The following SV2B variants were observed in gnomAD, a reference collection of about 807,000 sequenced individuals.
The protein encoded by SV2B is solute carrier family 22 member B2.
A neutral mutation model predicts 73.9 loss-of-function variants in SV2B; 41 were observed. The observed-to-expected ratio is 0.56, with a 90% confidence interval of 0.43 to 0.72. The LOEUF is 0.72. Among genes scored for constraint, SV2B ranks in the 30% least tolerant of loss-of-function variants. The pLI, the probability that SV2B is intolerant of heterozygous loss-of-function variation, is 0.00. For missense variants in SV2B, 764 were observed against 857.8 expected (o/e 0.89, Z 1.37); for synonymous variants, 314 against 314.2 (o/e 1.00, Z 0.01).
rs1244859225 is a variant in SV2B, at chr15:91,288,864, G to T, written c.1709-657G>T. 6.6e-6 allele frequency among the ~76,000 whole-genome samples: 1 copy of T among 152,090 alleles called. No homozygotes were observed. The highest frequency in any genetic ancestry group is 1.5e-5 in the Non-Finnish European group (1 of 68,030). On this transcript the variant is annotated intron_variant, in intron 11 of 12. Transcript: ENST00000394232. The surrounding 1 kb of genome is among the most constrained non-coding windows in gnomAD (Gnocchi z 5.8). ...GGCTACTTTTTGTCTTTTTCGTAGA[G>T]ACAGTGTTTTATCATGTTGGTCAGG...
At position 91,281,746 on chromosome 15, in the gene SV2B, T is replaced by G. The variant is rs1401931086; in HGVS notation, c.1392T>G (p.Phe464Leu). Residue 464 changes from phenylalanine to leucine, a missense_variant, in exon 10 of 13, where the codon TTT (phenylalanine) becomes TTG (leucine). By Grantham distance (22) the Phe-to-Leu change is conservative. Transcript: ENST00000394232. This position sits in a 1 kb window ranked among gnomAD's most constrained non-coding sequence, Gnocchi z 4.7. Reference protein sequence around the residue: ...LVNDKFTRMYFKHVLFEDTFF... With the variant: ...LVNDKFTRMYLKHVLFEDTFF... ...CCCACAGGTTCACAAGAATGTACTT[T>G]AAACATGTACTCTTTGAGGACACAT... The G allele has an allele frequency of 2.4e-5, 38 of 1,609,038 alleles. No individual in the cohort carries two copies. The highest frequency in any genetic ancestry group is 3.2e-5 in the Non-Finnish European group (38 of 1,176,688).
At chr15:91,099,709 C>T (rs183727601), upstream of SV2B, among the ~76,000 whole-genome samples, 22 of 152,310 alleles carry the variant, frequency 1.4e-4, no homozygotes, top group Admixed American at 1.4e-3. Context: ...TCTTCAGTTC[C>T]TGATGAGGCA....
chr15:91,282,001 G>C (rs1158675319), intron 10 of SV2B, 140 bp downstream of exon 10: 15 of 1,067,280 alleles, frequency 1.4e-5, no homozygotes, highest in African/African-American at 3.3e-5. Context: ...TGGGGAAATG[G>C]ATTTTAGCCC....
intron 1 of SV2B, among the ~76,000 whole-genome samples, chr15:91,145,848 A>G (rs1021294667): frequency 6.6e-6 from 1 of 151,928 alleles, no homozygotes. Context: ...TTTTTTTCTT[A>G]TAAATTTAAG....
chr15:91,139,698 G>T lies in SV2B; in HGVS notation c.-392+39335G>T, dbSNP rs116375202. On this transcript the variant is annotated intron_variant, in intron 1 of 12. Coordinates refer to ENST00000394232, the MANE Select transcript of SV2B (RefSeq NM_001323032.3). The surrounding 1 kb of genome is among the most constrained non-coding windows in gnomAD (Gnocchi z 5.2). ...CCATTTAGGTATGTGGGATTCCTAC[G>T]GATTAGGGTTAAGCAAATAGGAGCA... Among the ~76,000 whole-genome samples, 881 of 152,274 alleles carry T rather than the reference G, an allele frequency of 5.8e-3. 15 individuals are homozygous for T. The highest frequency in any genetic ancestry group is 0.02 in the African/African-American group (847 of 41,558).
chr15:91,133,005 T>A (rs1290890009), intron 1 of SV2B, among the ~76,000 whole-genome samples: 1 of 152,220 alleles, frequency 6.6e-6, no homozygotes, highest in Non-Finnish European at 1.5e-5. Flanking sequence ...GAGAAGTATG[T>A]TACCTCTGTT....
Position 91,129,363 on chromosome 15 carries a change from C to T in SV2B, c.-392+29000C>T, listed in dbSNP as rs960852395. On this transcript the variant is annotated intron_variant, in intron 1 of 12. Transcript: ENST00000394232. This position sits in a 1 kb window ranked among gnomAD's most constrained non-coding sequence, Gnocchi z 5.1. ...AAAGGAAGGCTGTGGCAAAGGTATA[C>T]GTAAAATGCAGGGTTGTGATGAAGG... Among the ~76,000 whole-genome samples, 6 of 152,044 alleles carry T rather than the reference C, an allele frequency of 3.9e-5. No individual in the cohort carries two copies. Among genetic ancestry groups the T allele is most frequent in the Non-Finnish European group, 5.9e-5 (4 of 68,006 alleles).
chr15:91,255,510 G>A (rs968731802), intron 4 of SV2B, among the ~76,000 whole-genome samples: 6 of 152,178 alleles, frequency 3.9e-5, no homozygotes, highest in African/African-American at 1.4e-4. Context: ...ACTACAAATT[G>A]TGTGCAGTGC....
chr15:91,147,965 CTTTTTTTTTTTTTTTTTT>C (rs60896008), intron 1 of SV2B, among the ~76,000 whole-genome samples: 32 of 39,262 alleles, frequency 8.2e-4, no homozygotes, highest in African/African-American at 2.6e-3. Context: ...CCCCCCCCAA[CTTTTTTTTTTTTTTTTTT>C]TTTTTTTTTT....
chr15:91,262,413 A>G (rs1488653488), intron 6 of SV2B, among the ~76,000 whole-genome samples: 1 of 152,190 alleles, frequency 6.6e-6, no homozygotes, highest in East Asian at 1.9e-4. Context: ...TCTCAATTCT[A>G]ATGCTTCTAA....
At position 91,258,813 on chromosome 15, in the gene SV2B, G is replaced by A. The variant is rs1387417674; in HGVS notation, c.918+259G>A. ...AGAGCAGGAGCTCTTTCCCAAGGCT[G>A]TGCAGTGGTGGAAGGGCAGCTCCTG... On this transcript the variant is annotated intron_variant, in intron 5 of 12. Transcript: ENST00000394232. The surrounding 1 kb of genome is among the most constrained non-coding windows in gnomAD (Gnocchi z 4.7). Among the ~76,000 whole-genome samples, 2 of 152,028 alleles carry A rather than the reference G, an allele frequency of 1.3e-5. No individual in the cohort carries two copies. The highest frequency in any genetic ancestry group is 2.1e-4 in the South Asian group (1 of 4,814).
In SV2B at chr15:91,241,534, T is replaced by A. The variant is rs1248518179; in HGVS notation, c.452-10285T>A. Reference sequence around the variant, plus strand: ...TTGTGTCTTATCCACTATTTTCCAATTTCCAGCATCTCTTCCTCATCTTCA... The same window carrying A: ...TTGTGTCTTATCCACTATTTTCCAAATTCCAGCATCTCTTCCTCATCTTCA... On this transcript the variant is annotated intron_variant, in intron 2 of 12. Coordinates refer to ENST00000394232, the MANE Select transcript of SV2B (RefSeq NM_001323032.3). This position sits in a 1 kb window ranked among gnomAD's most constrained non-coding sequence, Gnocchi z 4.8. 6.6e-6 allele frequency among the ~76,000 whole-genome samples: 1 copy of A among 152,180 alleles called. No individual in the cohort carries two copies. The highest frequency in any genetic ancestry group is 6.5e-5 in the Admixed American group (1 of 15,282).
rs2046789575 is a variant in SV2B, at chr15:91,236,548, T to C, written c.451+9834T>C. ...GGAAATATATAAAACTCATTCCCTG[T>C]ACAAGTATATGTAAGCTTTTGACCT... On this transcript the variant is annotated intron_variant, in intron 2 of 12. Transcript: ENST00000394232. This position sits in a 1 kb window ranked among gnomAD's most constrained non-coding sequence, Gnocchi z 4.1. 6.6e-6 allele frequency among the ~76,000 whole-genome samples: 1 copy of C among 152,202 alleles called. No homozygotes were observed. Among genetic ancestry groups the C allele is most frequent in the African/African-American group, 2.4e-5 (1 of 41,458 alleles).
At chr15:91,212,971 TC>T (rs1346479916) in intron 1 of SV2B, among the ~76,000 whole-genome samples, 4 of 141,692 alleles carry the variant, frequency 2.8e-5, no homozygotes, top group Non-Finnish European at 6.0e-5. Context: ...TGAAACCCTG[TC>T]TCTACTAAAA....
Position 91,214,854 on chromosome 15 carries a change from A to G in SV2B, c.-391-11019A>G, listed in dbSNP as rs1452596733. ...TTCTCCTCGTTCTTTCTGCTCCTCA[A>G]TGCTGCCTTCAGGAGCAAGCCTTCT... On this transcript the variant is annotated intron_variant, in intron 1 of 12. Transcript: ENST00000394232. This position sits in a 1 kb window ranked among gnomAD's most constrained non-coding sequence, Gnocchi z 4.7. Among the ~76,000 whole-genome samples, 1 of 152,070 alleles carries G rather than the reference A, an allele frequency of 6.6e-6. No individual in the cohort carries two copies. The highest frequency in any genetic ancestry group is 2.4e-5 in the African/African-American group (1 of 41,398).
chr15:91,233,833 G>A (rs1197977916), intron 2 of SV2B, among the ~76,000 whole-genome samples: 1 of 152,202 alleles, frequency 6.6e-6, no homozygotes. Context: ...TGTAACTAGA[G>A]TCAAGTCCCA....
chr15:91,281,220 C>T lies in SV2B; in HGVS notation c.1374-508C>T, dbSNP rs1216789590. ...GCATTTCAAATTTTGCAAAATTGCTCCCCAAAGAGGCTGCATGGATTATAT... is the reference window on the plus strand; with the variant it reads ...GCATTTCAAATTTTGCAAAATTGCTTCCCAAAGAGGCTGCATGGATTATAT... On this transcript the variant is annotated intron_variant, in intron 9 of 12. Coordinates refer to ENST00000394232, the MANE Select transcript of SV2B (RefSeq NM_001323032.3). The surrounding 1 kb of genome is among the most constrained non-coding windows in gnomAD (Gnocchi z 4.7). Among the ~76,000 whole-genome samples, 2 of 152,092 alleles carry T rather than the reference C, an allele frequency of 1.3e-5. No homozygotes were observed. Among genetic ancestry groups the T allele is most frequent in the Non-Finnish European group, 2.9e-5 (2 of 68,016 alleles).
chr15:91,176,349 A>G (rs1306513740), intron 1 of SV2B, among the ~76,000 whole-genome samples: 1 of 151,790 alleles, frequency 6.6e-6, no homozygotes, highest in Non-Finnish European at 1.5e-5. Context: ...CGCAATAAAC[A>G]TACATGTGCA....
chr15:91,109,701 G>A (rs1315714188), intron 1 of SV2B, among the ~76,000 whole-genome samples: 1 of 152,070 alleles, frequency 6.6e-6, no homozygotes, highest in African/African-American at 2.4e-5. Flanking sequence ...AGAAAGCGGG[G>A]AATCCAAACT....
Sources: allele counts gnomAD v4.1 joint callset (sites outside exome capture counted in the v4.1 genomes callset), GRCh38; gene constraint gnomAD v4.1.1; non-coding constraint Gnocchi (gnomAD v3.1); transcripts MANE v1.5; gene names NCBI Gene and HGNC (gene_info 2026-07-23, HGNC 2026-07-21).